Variants in ABCB1 observed in about 807,000 individuals in gnomAD.
The protein encoded by ABCB1 is ATP-dependent translocase ABCB1.
Under a neutral mutation model 142.0 loss-of-function variants are expected in ABCB1, and 69 were observed. That is an observed-to-expected ratio of 0.49 (90% confidence interval 0.40 to 0.59). The LOEUF (loss-of-function observed/expected upper bound fraction) is 0.59, where lower values mean the gene tolerates loss of function less well. ABCB1 is among the 20% of genes least tolerant of loss of function. ABCB1 has a pLI of 0.00. For missense variants in ABCB1, 1,326 were observed against 1,554.7 expected (o/e 0.85, Z 2.47); for synonymous variants, 532 against 539.2 (o/e 0.99, Z 0.18).
At chr7:87,662,067 A>G (rs1003339299) in intron 1 of ABCB1, among the ~76,000 whole-genome samples, 24 of 152,144 alleles carry the variant, frequency 1.6e-4, no homozygotes, top group African/African-American at 5.5e-4. Context: ...AGAAACATCT[A>G]TTCTGATCTT....
At chr7:87,518,166 G>A (rs566368783) in intron 23 of ABCB1, among the ~76,000 whole-genome samples, 1 of 152,264 alleles carries the variant, frequency 6.6e-6, no homozygotes, top group South Asian at 2.1e-4. Flanking sequence ...GTAGCATATT[G>A]TGTCATTAGT....
intron 1 of ABCB1, among the ~76,000 whole-genome samples, chr7:87,660,081 G>A (rs992507721): frequency 1.3e-5 from 2 of 151,978 alleles, no homozygotes; most frequent in Non-Finnish European, 2.9e-5. Context: ...GCTTTTTTGG[G>A]TTTTGTTGTC....
chr7:87,585,883 G>C (rs1462758138), intron 3 of ABCB1, among the ~76,000 whole-genome samples: 1 of 152,016 alleles, frequency 6.6e-6, no homozygotes, highest in Admixed American at 6.6e-5. Flanking sequence ...ATTGAGTTCT[G>C]GCCTAATTCT....
At chr7:87,605,279 G>T (rs1819608520), upstream of ABCB1, among the ~76,000 whole-genome samples, 1 of 152,122 alleles carries the variant, frequency 6.6e-6, no homozygotes, top group Non-Finnish European at 1.5e-5. Flanking sequence ...GATTATGGGA[G>T]TGCACCAGCA....
At chr7:87,630,848 A>G (rs1300237676) in intron 1 of ABCB1, among the ~76,000 whole-genome samples, 2 of 152,128 alleles carry the variant, frequency 1.3e-5, no homozygotes, top group Admixed American at 1.3e-4. Context: ...CTTATCAGAG[A>G]CAGTTGAAAA....
chr7:87,650,081 C>T (rs984515605), intron 1 of ABCB1, among the ~76,000 whole-genome samples: 4 of 152,148 alleles, frequency 2.6e-5, no homozygotes, highest in African/African-American at 7.2e-5. Flanking sequence ...TTAATGCTCA[C>T]GTCCTATTTT....
At position 87,658,007 on chromosome 7, in the gene ABCB1, G is replaced by T. The variant is rs560241728; in HGVS notation, c.-331+55154C>A. 3.3e-5 allele frequency among the ~76,000 whole-genome samples: 5 copies of T among 152,220 alleles called. 1 individual carries two copies. The highest frequency in any genetic ancestry group is 4.4e-5 in the Non-Finnish European group (3 of 67,996). On this transcript the variant is annotated intron_variant, in intron 1 of 28. Coordinates refer to the ABCB1 transcript ENST00000265724. The stretch of plus-strand genomic sequence containing the variant: ...ATATAAATATGTCCAGCTTTCCATT[G>T]AAACCATTTGTCATACCAAGAACCA...
At chr7:87,600,041 T>C in intron 2 of ABCB1, 76 bp downstream of exon 2, 1 of 1,347,094 alleles carries the variant, frequency 7.4e-7, no homozygotes. Context: ...GTCATTTATT[T>C]CAGAGCTGGA....
chr7:87,537,562 G>A (rs1210738143), intron 19 of ABCB1, among the ~76,000 whole-genome samples: 1 of 152,172 alleles, frequency 6.6e-6, no homozygotes, highest in African/African-American at 2.4e-5. Flanking sequence ...TAGGGGAAGA[G>A]TGGGTAAGGA....
At chr7:87,567,100 A>C in intron 5 of ABCB1, 124 bp from the exon 6 acceptor site, 1 of 872,500 alleles carries the variant, frequency 1.1e-6, no homozygotes, top group Non-Finnish European at 1.9e-6. Flanking sequence ...ACAAATAAGA[A>C]GGGGTTGTAA....
At position 87,657,975 on chromosome 7, in the gene ABCB1, T is replaced by C. The variant is rs28746496; in HGVS notation, c.-331+55186A>G. Among the ~76,000 whole-genome samples the C allele has an allele frequency of 2.9e-3, 444 of 152,256 alleles. 3 individuals carry two copies. Among genetic ancestry groups the C allele is most frequent in the African/African-American group, 0.01 (421 of 41,558 alleles). The stretch of plus-strand genomic sequence containing the variant: ...GGTTTAAATAAGATCCAGAGTTTCA[T>C]AACATAATATAAATATGTCCAGCTT... On this transcript the variant is annotated intron_variant, in intron 1 of 28. Transcript: ENST00000265724.
At chr7:87,573,744 CAAT>C (rs1818153257) in intron 4 of ABCB1, among the ~76,000 whole-genome samples, 1 of 152,146 alleles carries the variant, frequency 6.6e-6, no homozygotes, top group African/African-American at 2.4e-5. Flanking sequence ...AAAGTACCAA[CAAT>C]GATTTACCAG....
intron 11 of ABCB1, 43 bp from the exon 12 acceptor site, chr7:87,550,339 A>G: frequency 1.2e-6 from 2 of 1,613,746 alleles, no homozygotes; most frequent in Non-Finnish European, 1.7e-6. Flanking sequence ...CAATTCACAG[A>G]CACAGGATAT....
chr7:87,661,148 G>A (rs1196412775), intron 1 of ABCB1, among the ~76,000 whole-genome samples: 2 of 151,868 alleles, frequency 1.3e-5, no homozygotes, highest in East Asian at 3.9e-4. Context: ...TACATAGTAG[G>A]TGTATATATT....
chr7:87,694,105 T>G (rs534342087), intron 1 of ABCB1: 7 of 1,448,010 alleles, frequency 4.8e-6, no homozygotes, highest in East Asian at 4.9e-5. Flanking sequence ...TTTTTGTTTT[T>G]TTTTTTTAAT....
intron 1 of ABCB1, among the ~76,000 whole-genome samples, chr7:87,637,108 T>C (rs938397934): frequency 6.6e-6 from 1 of 152,092 alleles, no homozygotes; most frequent in South Asian, 2.1e-4. Context: ...TCCCATCTGC[T>C]CCCTCCCATG....
intron 3 of ABCB1, among the ~76,000 whole-genome samples, chr7:87,594,603 A>G (rs1421429778): frequency 2.0e-5 from 3 of 152,236 alleles, no homozygotes; most frequent in East Asian, 1.9e-4. Flanking sequence ...TTCTTTCCAT[A>G]CAAGAAAGTA....
chr7:87,670,391 C>T (rs1825701668), intron 1 of ABCB1, among the ~76,000 whole-genome samples: 1 of 152,178 alleles, frequency 6.6e-6, no homozygotes, highest in Non-Finnish European at 1.5e-5. Flanking sequence ...TTGTGATTCT[C>T]ATTTTCCTTG....
chr7:87,699,415 C>CT (rs202104063), intron 1 of ABCB1, among the ~76,000 whole-genome samples: 1,782 of 150,848 alleles, frequency 0.012, 23 homozygotes, highest in African/African-American at 0.028. Context: ...GTATAGAATT[C>CT]TTTTTTTTTA....
Sources: allele counts gnomAD v4.1 joint callset (sites outside exome capture counted in the v4.1 genomes callset), GRCh38; gene constraint gnomAD v4.1.1; transcripts MANE v1.5; gene names NCBI Gene and HGNC (gene_info 2026-07-23, HGNC 2026-07-21).